ANKRD12: variants seen among roughly 807,000 people sequenced by gnomAD.
ANKRD12 encodes the protein ankyrin repeat domain 12.
ANKRD12 carries 85 observed loss-of-function variants against 183.4 expected under a neutral mutation model. The ratio of observed to expected loss-of-function variants is 0.46; its 90% confidence interval spans 0.39 to 0.56. The LOEUF (loss-of-function observed/expected upper bound fraction) is 0.56, where lower values mean the gene tolerates loss of function less well. ANKRD12 is among the 20% of genes least tolerant of loss of function. The pLI is 0.00. For missense variants in ANKRD12, 2,405 were observed against 2,357.1 expected, an observed-to-expected ratio of 1.02 and a Z score of -0.42; for synonymous variants, 914 against 800.2, an observed-to-expected ratio of 1.14 and a Z score of -2.40.
chr18:9,176,489 C>T (rs2144088764), intron 1 of ANKRD12, among the ~76,000 whole-genome samples: 1 of 152,058 alleles, frequency 6.6e-6, no homozygotes, highest in African/African-American at 2.4e-5. Context: ...CGGGGTTTCA[C>T]CATGTTGCCC....
At chr18:9,209,329 G>A (rs1371814078) in intron 5 of ANKRD12, among the ~76,000 whole-genome samples, 1 of 152,128 alleles carries the variant, frequency 6.6e-6, no homozygotes, top group African/African-American at 2.4e-5. Flanking sequence ...GCAGCTAAAA[G>A]TACAAAAGAA....
intron 2 of ANKRD12, among the ~76,000 whole-genome samples, chr18:9,184,162 T>C (rs2033887568): frequency 6.6e-6 from 1 of 152,236 alleles, no homozygotes; most frequent in Non-Finnish European, 1.5e-5. Flanking sequence ...AAGAATGTTA[T>C]AATTGTTTGA....
Position 9,256,083 on chromosome 18 carries a change from A to T in ANKRD12, c.2816A>T (p.Asp939Val). Reference sequence around the variant, plus strand: ...ATGGAGAAAAAAAATAAACAATCAGATAATAGTGAATACAGTAAATCAGAA... The same window carrying T: ...ATGGAGAAAAAAAATAAACAATCAGTTAATAGTGAATACAGTAAATCAGAA... ...HLMEKKNKQSDNSEYSKSEKG... is the reference protein window; with the variant it reads ...HLMEKKNKQSVNSEYSKSEKG... Residue 939 changes from aspartate to valine, a missense_variant, in exon 9 of 13, where the codon GAT becomes GTT. Asp to Val is a radical substitution (Grantham distance 152, BLOSUM62 -3). Around this residue, in one of 7 missense-constraint regions of ANKRD12, gnomAD observed 1,983 missense variants for 1,725.9 expected, o/e 1.15. Transcript: ENST00000262126. 4 of 1,564,944 alleles carry T rather than the reference A, an allele frequency of 2.6e-6. No homozygotes were observed. Among genetic ancestry groups the T allele is most frequent in the Non-Finnish European group, 3.4e-6 (4 of 1,161,856 alleles).
intron 1 of ANKRD12, among the ~76,000 whole-genome samples, chr18:9,140,919 C>T (rs2078291475): frequency 6.6e-6 from 1 of 152,078 alleles, no homozygotes; most frequent in South Asian, 2.1e-4. Context: ...TTCATAATAA[C>T]CTTGTAAAAC....
chr18:9,219,502 A>G (rs1282922513), intron 7 of ANKRD12, among the ~76,000 whole-genome samples: 1 of 152,208 alleles, frequency 6.6e-6, no homozygotes, highest in East Asian at 1.9e-4. Context: ...ACTGATGTAG[A>G]ACAGGGTTTG....
At chr18:9,222,762 A>G (rs2144761407) in intron 8 of ANKRD12, among the ~76,000 whole-genome samples, 1 of 152,328 alleles carries the variant, frequency 6.6e-6, no homozygotes, top group South Asian at 2.1e-4. Context: ...TTTGAGGCAG[A>G]AAGTTCTACC....
At chr18:9,198,722 A>G (rs2034993010) in intron 3 of ANKRD12, among the ~76,000 whole-genome samples, 1 of 151,866 alleles carries the variant, frequency 6.6e-6, no homozygotes, top group African/African-American at 2.4e-5. Flanking sequence ...GCTAATTTTC[A>G]TATTTTTAGT....
intron 8 of ANKRD12, among the ~76,000 whole-genome samples, chr18:9,238,011 A>T (rs71362074): frequency 0.15 from 22,644 of 152,180 alleles, 2,313 homozygotes; most frequent in Non-Finnish European, 0.21. Context: ...TTTTACTAAG[A>T]TTGCACATGC....
At chr18:9,195,354 TTA>T (rs2034715887) in intron 2 of ANKRD12, among the ~76,000 whole-genome samples, 195 bp from the exon 3 acceptor site, 5 of 152,078 alleles carry the variant, frequency 3.3e-5, no homozygotes, top group Non-Finnish European at 7.4e-5. Context: ...AAATATAAAA[TTA>T]TGTTATTAAA....
chr18:9,241,190 G>A (rs2037639445), intron 8 of ANKRD12, among the ~76,000 whole-genome samples: 1 of 152,058 alleles, frequency 6.6e-6, no homozygotes. Context: ...ACAAGAAGAG[G>A]TTACATCGGG....
At chr18:9,147,800 C>T (rs187667153) in intron 1 of ANKRD12, among the ~76,000 whole-genome samples, 3 of 152,262 alleles carry the variant, frequency 2.0e-5, no homozygotes, top group Admixed American at 2.0e-4. Context: ...TTAGGAAGAT[C>T]AGTTGTGTGG....
intron 8 of ANKRD12, among the ~76,000 whole-genome samples, chr18:9,244,358 C>G (rs1442899455): frequency 2.6e-5 from 4 of 152,028 alleles, no homozygotes; most frequent in Non-Finnish European, 4.4e-5. Context: ...GGAGACTTAA[C>G]TCTTTTTTTT....
rs751832783 is a variant in ANKRD12 at position 9,256,996 on chromosome 18, C to G, written c.3729C>G (p.Ser1243=). ...FMLESSESQM[S]FSQSPFLSIA... ...TAGAGAGTTCAGAATCCCAAATGTC[C>G]TTTTCCCAGTCACCTTTTTTGTCAA... Residue 1243 remains serine, a synonymous_variant, in exon 9 of 13, where the codon TCC becomes TCG. Coordinates refer to ENST00000262126, the MANE Select transcript of ANKRD12 (RefSeq NM_015208.5). 6.2e-7 allele frequency: 1 copy of G among 1,614,074 alleles called. No homozygotes were observed. The highest frequency in any genetic ancestry group is 8.5e-7 in the Non-Finnish European group (1 of 1,179,992).
rs745384451 is a variant in ANKRD12 at position 9,211,650 on chromosome 18, G to A, written c.518G>A (p.Arg173Gln). 1 of 1,613,626 alleles carries A rather than the reference G, an allele frequency of 6.2e-7. No individual in the cohort carries two copies. Among genetic ancestry groups the A allele is most frequent in the Non-Finnish European group, 8.5e-7 (1 of 1,179,806 alleles). ...AQKKTPSSSS[R>Q]QKDKVNKRNE... ...AAGAAAACTCCCAGTTCTTCATCTC[G>A]ACAGAAAGATAAAGTTAATAAAAGA... Residue 173 changes from arginine (R) to glutamine (Q), a missense_variant, in exon 6 of 13, where the codon CGA becomes CAA. Transcript: ENST00000262126.
intron 8 of ANKRD12, among the ~76,000 whole-genome samples, chr18:9,233,167 G>T (rs1372359285): frequency 6.6e-6 from 1 of 151,788 alleles, no homozygotes; most frequent in African/African-American, 2.4e-5. Flanking sequence ...CGATTTTCAA[G>T]TTCTGAGATT....
chr18:9,275,791 AAACTCTTTC>A, intron 11 of ANKRD12, 124 bp downstream of exon 11: 1 of 963,140 alleles, frequency 1.0e-6, no homozygotes, highest in East Asian at 2.7e-5. Flanking sequence ...AGAAGAAAAA[AAACTCTTTC>A]AAGCCAGAGT....
At chr18:9,196,125 A>T (rs1279453914) in intron 3 of ANKRD12, among the ~76,000 whole-genome samples, 1 of 143,974 alleles carries the variant, frequency 6.9e-6, no homozygotes, top group Non-Finnish European at 1.5e-5. Flanking sequence ...ACACACACAC[A>T]CACACACACA....
At chr18:9,144,670 G>A (rs972449297) in intron 1 of ANKRD12, among the ~76,000 whole-genome samples, 4 of 152,084 alleles carry the variant, frequency 2.6e-5, no homozygotes, top group Admixed American at 6.6e-5. Context: ...AAATCTTAAC[G>A]AGGTTTATCT....
chr18:9,235,282 C>G (rs2037280304), intron 8 of ANKRD12, among the ~76,000 whole-genome samples: 1 of 152,040 alleles, frequency 6.6e-6, no homozygotes, highest in South Asian at 2.1e-4. Context: ...GTGGGAAGAT[C>G]CCTTGAGGCC....
Sources: allele counts gnomAD v4.1 joint callset (sites outside exome capture counted in the v4.1 genomes callset), GRCh38; gene constraint gnomAD v4.1.1; regional missense constraint gnomAD v4.1.1; transcripts MANE v1.5; gene names NCBI Gene and HGNC (gene_info 2026-07-23, HGNC 2026-07-21).